UBE2E2: variants seen among roughly 807,000 people sequenced by gnomAD.
UBE2E2 encodes ubiquitin-conjugating enzyme E2 E2.
A neutral mutation model predicts 24.7 loss-of-function variants in UBE2E2; 6 were observed. The ratio of observed to expected loss-of-function variants is 0.24; its 90% CI spans 0.13 to 0.48. The LOEUF (loss-of-function observed/expected upper bound fraction) is 0.48, where lower values mean the gene tolerates loss of function less well. Among genes scored for constraint, UBE2E2 ranks in the 20% least tolerant of loss-of-function variants. UBE2E2 has a pLI of 0.99. For synonymous variants in UBE2E2, 104 were observed against 83.6 expected, an observed-to-expected ratio of 1.24 and a Z score of -1.33; for missense variants, 169 against 245.0, an observed-to-expected ratio of 0.69 and a Z score of 2.07.
intron 5 of UBE2E2, among the ~76,000 whole-genome samples, chr3:23,562,053 C>G (rs145453866): frequency 1.3e-5 from 2 of 152,030 alleles, no homozygotes; most frequent in Non-Finnish European, 2.9e-5. Flanking sequence ...AATTGAATAC[C>G]CTTTATTTCT....
intron 1 of UBE2E2, 68 bp downstream of exon 1, chr3:23,203,532 A>C (rs1575466320): frequency 4.5e-6 from 4 of 880,312 alleles, no homozygotes; most frequent in South Asian, 5.4e-5. Context: ...CGTCCTCCTC[A>C]CTCCCCCGAC....
chr3:23,296,701 T>TC, intron 3 of UBE2E2, among the ~76,000 whole-genome samples: 1 of 152,364 alleles, frequency 6.6e-6, no homozygotes, highest in South Asian at 2.1e-4. Flanking sequence ...CTTAATCCAG[T>TC]CTGTCATTGT....
At chr3:23,250,148 C>T (rs1341066778) in intron 3 of UBE2E2, among the ~76,000 whole-genome samples, 2 of 152,076 alleles carry the variant, frequency 1.3e-5, no homozygotes, top group African/African-American at 4.8e-5. Context: ...CACAACCTTG[C>T]AGGTGAGAAA....
intron 3 of UBE2E2, among the ~76,000 whole-genome samples, chr3:23,249,641 G>T (rs931508428): frequency 6.7e-6 from 1 of 149,030 alleles, no homozygotes; most frequent in African/African-American, 2.5e-5. Flanking sequence ...TAAAATGTGT[G>T]TATTAACTCA....
intron 3 of UBE2E2, among the ~76,000 whole-genome samples, chr3:23,279,877 TC>T (rs924955324): frequency 3.3e-5 from 5 of 152,326 alleles, no homozygotes; most frequent in African/African-American, 1.2e-4. Flanking sequence ...CAAACTCTTT[TC>T]CCTGCTCTGG....
At chr3:23,369,802 T>C (rs1696352305) in intron 3 of UBE2E2, among the ~76,000 whole-genome samples, 1 of 152,238 alleles carries the variant, frequency 6.6e-6, no homozygotes, top group Non-Finnish European at 1.5e-5. Context: ...GATGTTTTTA[T>C]ATACCCTGAA....
intron 3 of UBE2E2, among the ~76,000 whole-genome samples, chr3:23,290,146 G>A (rs573281438): frequency 2.0e-5 from 3 of 152,278 alleles, no homozygotes; most frequent in East Asian, 3.9e-4. Flanking sequence ...ACACACATAC[G>A]CACACATGCA....
intron 3 of UBE2E2, among the ~76,000 whole-genome samples, chr3:23,277,851 T>C (rs1337448177): frequency 6.6e-6 from 1 of 152,114 alleles, no homozygotes; most frequent in Non-Finnish European, 1.5e-5. Flanking sequence ...AGTCAATAGT[T>C]AATTACATAA....
chr3:23,480,410 G>T (rs1699232599), intron 3 of UBE2E2, among the ~76,000 whole-genome samples: 2 of 152,214 alleles, frequency 1.3e-5, no homozygotes, highest in Non-Finnish European at 2.9e-5. Context: ...GGGATGCCTT[G>T]GTCTGGAGCC....
chr3:23,298,364 C>G (rs1315441459), intron 3 of UBE2E2, among the ~76,000 whole-genome samples: 1 of 151,848 alleles, frequency 6.6e-6, no homozygotes, highest in Non-Finnish European at 1.5e-5. Flanking sequence ...CTGTCTTGTG[C>G]CAGTTTTCAA....
intron 3 of UBE2E2, among the ~76,000 whole-genome samples, chr3:23,247,755 C>T (rs1159294783): frequency 6.6e-6 from 1 of 152,178 alleles, no homozygotes; most frequent in Admixed American, 6.5e-5. Flanking sequence ...TGCAAAGGCA[C>T]TTTCCACTGC....
chr3:23,282,068 C>A (rs937037274), intron 3 of UBE2E2, among the ~76,000 whole-genome samples: 1 of 152,196 alleles, frequency 6.6e-6, no homozygotes. Flanking sequence ...TTATAACCAG[C>A]AAGGGGCAAG....
chr3:23,421,270 TAC>T lies in UBE2E2; in HGVS notation c.228-78336_228-78335del, dbSNP rs201660027. Among the ~76,000 whole-genome samples the T allele has an allele frequency of 1.0e-3, 152 of 152,340 alleles. No individual in the cohort carries two copies. The East Asian group carries it at 0.026, about 26-fold the overall frequency. ...TAATTAGGTGATGGCTGGTATCTGT[TAC>T]AGTCTAGCACAACTGGCTTAGGAGG... On this transcript the variant is annotated intron_variant, in intron 3 of 5. Coordinates refer to ENST00000396703, the MANE Select transcript of UBE2E2 (RefSeq NM_152653.4).
intron 4 of UBE2E2, among the ~76,000 whole-genome samples, chr3:23,529,503 G>A (rs1024805315): frequency 3.9e-5 from 6 of 152,144 alleles, no homozygotes; most frequent in African/African-American, 7.2e-5. Context: ...GAGACAAACC[G>A]TAGGCTTTTG....
At chr3:23,489,388 A>G (rs998148415) in intron 3 of UBE2E2, among the ~76,000 whole-genome samples, 3 of 152,136 alleles carry the variant, frequency 2.0e-5, no homozygotes, top group Admixed American at 2.0e-4. Flanking sequence ...CTCATAAGGA[A>G]TACACAGCCT....
chr3:23,396,938 T>C (rs1334030446), intron 3 of UBE2E2, among the ~76,000 whole-genome samples: 2 of 151,958 alleles, frequency 1.3e-5, no homozygotes, highest in Non-Finnish European at 2.9e-5. Context: ...AACAATAGAG[T>C]GTGATACCTG....
intron 4 of UBE2E2, among the ~76,000 whole-genome samples, chr3:23,525,686 C>A (rs992227919): frequency 2.6e-5 from 4 of 152,206 alleles, no homozygotes; most frequent in Admixed American, 6.5e-5. Context: ...CGGGTATTAA[C>A]CCTTGCAATG....
chr3:23,587,874 G>T (rs1401343751), intron 5 of UBE2E2, among the ~76,000 whole-genome samples: 1 of 152,122 alleles, frequency 6.6e-6, no homozygotes, highest in African/African-American at 2.4e-5. Context: ...CAAACGTTTC[G>T]AACAAACCCA....
intron 5 of UBE2E2, among the ~76,000 whole-genome samples, chr3:23,561,454 A>G (rs1406098290): frequency 6.6e-6 from 1 of 152,144 alleles, no homozygotes; most frequent in Non-Finnish European, 1.5e-5. Flanking sequence ...TACCAGTACC[A>G]TGCTGTTTTG....
Sources: gnomAD v4.1 joint callset for allele counts (sites outside exome capture counted in the v4.1 genomes callset) on GRCh38, gnomAD v4.1.1 for gene constraint, MANE v1.5 for transcripts, NCBI Gene and HGNC (gene_info 2026-07-23, HGNC 2026-07-21) for gene names.